The following PSMA3 variants were observed in gnomAD, a reference collection of about 807,000 sequenced individuals.
PSMA3 encodes proteasome 20S subunit alpha 3, also known as proteasome subunit alpha type-3.
PSMA3 carries 8 observed loss-of-function variants against 40.0 expected under a neutral mutation model. The observed-to-expected ratio is 0.20, with a 90% CI of 0.12 to 0.36. PSMA3 has a LOEUF of 0.36. PSMA3 is among the 10% of genes least tolerant of loss of function. PSMA3 has a pLI of 1.00. For missense variants in PSMA3, 219 were observed against 310.6 expected (o/e 0.70, Z 2.22); for synonymous variants, 110 against 100.0 (o/e 1.10, Z -0.59).
chr14:58,256,460 G>T (rs147346123), intron 3 of PSMA3, among the ~76,000 whole-genome samples: 1 of 149,634 alleles, frequency 6.7e-6, no homozygotes, highest in Non-Finnish European at 1.5e-5. Flanking sequence ...TGTTGCCCAG[G>T]ATGGAGTGCA....
chr14:58,271,021 C>G (rs1350893354), intron 10 of PSMA3, 23 bp downstream of exon 10: 1 of 1,569,088 alleles, frequency 6.4e-7, no homozygotes, highest in Admixed American at 1.7e-5. Context: ...ACAAAAACTT[C>G]TCTTGGCCAG....
At chr14:58,271,068 A>T in intron 10 of PSMA3, 70 bp downstream of exon 10, 1 of 1,205,386 alleles carries the variant, frequency 8.3e-7, no homozygotes, top group Non-Finnish European at 1.2e-6. Flanking sequence ...GGAGTTTGAG[A>T]CCAGCCTGAG....
intron 2 of PSMA3, among the ~76,000 whole-genome samples, chr14:58,250,174 C>G (rs1409128965): frequency 7.1e-6 from 1 of 141,764 alleles, no homozygotes; most frequent in Non-Finnish European, 1.5e-5. Context: ...GAGCCAAGAT[C>G]ACGCCACTGT....
At chr14:58,254,726 T>C (rs1182747850) in intron 3 of PSMA3, among the ~76,000 whole-genome samples, 3 of 152,108 alleles carry the variant, frequency 2.0e-5, no homozygotes, top group Non-Finnish European at 4.4e-5. Context: ...TTGAGAATTA[T>C]ATGACTTTAC....
Position 58,252,189 on chromosome 14 carries a change from T to C in PSMA3, c.175T>C (p.Tyr59His), listed in dbSNP as rs1890027206. Residue 59 changes from tyrosine to histidine, a missense_variant, in exon 3 of 11, where the codon TAT becomes CAT. Tyr to His is a moderately conservative substitution (Grantham distance 83). Coordinates refer to ENST00000216455, the MANE Select transcript of PSMA3 (RefSeq NM_002788.4). ...GVEKLVLSKLYEEGSNKRLFN... is the reference protein window; with the variant it reads ...GVEKLVLSKLHEEGSNKRLFN... ...AGAAAAATTAGTCCTTTCTAAACTTTATGAAGAAGGTTCCAACAAAAGACT... is the reference window on the plus strand; with the variant it reads ...AGAAAAATTAGTCCTTTCTAAACTTCATGAAGAAGGTTCCAACAAAAGACT... The C allele has an allele frequency of 1.9e-6, 3 of 1,613,430 alleles. No individual in the cohort carries two copies. In the South Asian group the frequency reaches 3.3e-5, roughly 18 times the overall value.
intron 3 of PSMA3, 38 bp downstream of exon 3, chr14:58,252,280 C>G: frequency 6.3e-7 from 1 of 1,587,982 alleles, no homozygotes; most frequent in African/African-American, 1.4e-5. Context: ...TTGTCTTGTC[C>G]AATTTCTTTT....
intron 5 of PSMA3, among the ~76,000 whole-genome samples, chr14:58,259,124 G>T (rs954586596): frequency 6.6e-6 from 1 of 151,980 alleles, no homozygotes; most frequent in South Asian, 2.1e-4. Flanking sequence ...TAGAGACGGG[G>T]TCTCACCATG....
At chr14:58,258,242 A>G in intron 5 of PSMA3, 1 of 416,814 alleles carries the variant, frequency 2.4e-6, no homozygotes, top group Non-Finnish European at 4.4e-6. Context: ...GTATGAGACC[A>G]GCCTGGCCAA....
intron 1 of PSMA3, 131 bp downstream of exon 1, chr14:58,245,072 G>A: frequency 8.6e-7 from 1 of 1,165,874 alleles, no homozygotes. Context: ...GCCATTTGCA[G>A]CTGTTTGGAG....
chr14:58,263,620 C>A (rs910685715), intron 6 of PSMA3, 85 bp from the exon 7 acceptor site: 4 of 1,053,624 alleles, frequency 3.8e-6, no homozygotes, highest in Admixed American at 4.7e-5. Context: ...AGCATCCTTT[C>A]ACTAGGTTAT....
chr14:58,250,726 T>G (rs1244975112), intron 2 of PSMA3, among the ~76,000 whole-genome samples: 2 of 152,220 alleles, frequency 1.3e-5, no homozygotes, highest in Non-Finnish European at 2.9e-5. Context: ...ACAATTCCCC[T>G]GCTTTTTAGA....
chr14:58,255,092 A>G (rs1371410248), intron 3 of PSMA3, among the ~76,000 whole-genome samples: 1 of 152,016 alleles, frequency 6.6e-6, no homozygotes, highest in Non-Finnish European at 1.5e-5. Flanking sequence ...AGTTTTTCTC[A>G]TGGCTTCCCT....
At chr14:58,260,053 T>A (rs1890237470) in intron 5 of PSMA3, among the ~76,000 whole-genome samples, 1 of 152,214 alleles carries the variant, frequency 6.6e-6, no homozygotes, top group African/African-American at 2.4e-5. Context: ...ATAGTTAAAA[T>A]ATTCCGCATA....
At chr14:58,257,101 CAA>C (rs60421135) in intron 3 of PSMA3, among the ~76,000 whole-genome samples, 55,421 of 103,820 alleles carry the variant, frequency 0.53, 11,495 homozygotes, top group Middle Eastern at 0.66. Flanking sequence ...GACTCTGTCT[CAA>C]AAAAAAAAAA....
intron 5 of PSMA3, 119 bp downstream of exon 5, chr14:58,258,117 C>A: frequency 4.0e-6 from 3 of 758,288 alleles, no homozygotes; most frequent in Non-Finnish European, 6.6e-6. Context: ...AGTATTAGGG[C>A]AATGATTAAA....
intron 2 of PSMA3, among the ~76,000 whole-genome samples, chr14:58,249,506 T>C (rs74852374): frequency 4.0e-5 from 6 of 151,590 alleles, no homozygotes; most frequent in Admixed American, 3.9e-4. Context: ...TCCTTTTTTT[T>C]AAAAAAAACT....
rs11556304 is a variant in PSMA3, at chr14:58,257,831, C to T, written c.315C>T (p.Tyr105=). The change falls in exon 4 of 11, where the codon TAC becomes TAT. Residue 105 remains tyrosine (Y), a synonymous_variant. Transcript: ENST00000216455. ...EASNFRSNFG[Y]NIPLKHLADR... is the part of the protein sequence containing the mutation. ...CCAACTTCAGATCTAACTTTGGCTACAACATTCCACTAAAAGTAAGTTGAT... is the reference window on the plus strand; with the variant it reads ...CCAACTTCAGATCTAACTTTGGCTATAACATTCCACTAAAAGTAAGTTGAT... 6.2e-7 allele frequency: 1 copy of T among 1,613,190 alleles called. No individual in the cohort carries two copies. The highest frequency in any genetic ancestry group is 8.5e-7 in the Non-Finnish European group (1 of 1,179,310).
chr14:58,246,969 T>G (rs1179625087), intron 1 of PSMA3, among the ~76,000 whole-genome samples: 2 of 152,232 alleles, frequency 1.3e-5, no homozygotes, highest in Non-Finnish European at 2.9e-5. Context: ...AATCTGGCCC[T>G]CAGCTACCTC....
chr14:58,251,934 CATG>C (rs1241402984), intron 2 of PSMA3, among the ~76,000 whole-genome samples, 182 bp from the exon 3 acceptor site: 15 of 152,134 alleles, frequency 9.9e-5, no homozygotes, highest in Non-Finnish European at 1.5e-5. Context: ...GGGAGGGTCA[CATG>C]ATATTTATAT....
Sources: allele counts gnomAD v4.1 joint callset (sites outside exome capture counted in the v4.1 genomes callset), GRCh38; gene constraint gnomAD v4.1.1; transcripts MANE v1.5; gene names NCBI Gene and HGNC (gene_info 2026-07-23, HGNC 2026-07-21).